The following RCOR1 variants were observed in gnomAD, a reference collection of about 807,000 sequenced individuals.
The protein encoded by RCOR1 is REST corepressor 1, also known as REST corepressor.
RCOR1 carries 12 observed loss-of-function variants against 64.0 expected under a neutral mutation model. The ratio of observed to expected loss-of-function variants is 0.19; its 90% CI spans 0.12 to 0.30. The LOEUF (loss-of-function observed/expected upper bound fraction) is 0.30, where lower values mean the gene tolerates loss of function less well. Among genes scored for constraint, RCOR1 ranks in the 10% least tolerant of loss-of-function variants. The pLI is 1.00. For missense variants in RCOR1, 502 were observed against 621.2 expected (o/e 0.81, Z 2.04); for synonymous variants, 279 against 227.2 (o/e 1.23, Z -2.05).
Position 102,643,581 on chromosome 14 carries a change from AGGTGT to A in RCOR1, c.362-38305_362-38301del, listed in dbSNP as rs931116557. On this transcript the variant is annotated intron_variant, in intron 2 of 11. Coordinates refer to ENST00000262241, the MANE Select transcript of RCOR1 (RefSeq NM_015156.4). ...AGGCACCAGGTATCTTCAGAGGCCC[AGGTGT>A]GGTGTGGTTGGCCCTAAGCTGATGG... Among the ~76,000 whole-genome samples, 28 of 152,320 alleles carry A rather than the reference AGGTGT, an allele frequency of 1.8e-4. 1 individual carries two copies. Among genetic ancestry groups the A allele is most frequent in the Admixed American group, 1.5e-3 (23 of 15,290 alleles).
intron 2 of RCOR1, among the ~76,000 whole-genome samples, chr14:102,648,622 CAT>C (rs1894521834): frequency 6.6e-6 from 1 of 152,144 alleles, no homozygotes; most frequent in South Asian, 2.1e-4. Context: ...ATTTATTAGA[CAT>C]ATTTATTGTC....
chr14:102,599,828 G>T (rs1893349215), intron 2 of RCOR1, among the ~76,000 whole-genome samples: 1 of 148,406 alleles, frequency 6.7e-6, no homozygotes, highest in African/African-American at 2.5e-5. Context: ...TTTGAAACAA[G>T]GTCTTGCTCT....
At chr14:102,696,354 T>A (rs1895648624) in intron 3 of RCOR1, among the ~76,000 whole-genome samples, 1 of 152,162 alleles carries the variant, frequency 6.6e-6, no homozygotes, top group Non-Finnish European at 1.5e-5. Context: ...TTAAGTGATA[T>A]TATGAGGAAG....
chr14:102,637,347 G>A lies in RCOR1; in HGVS notation c.361+44022G>A, dbSNP rs1894264902. On this transcript the variant is annotated intron_variant, in intron 2 of 11. Coordinates refer to ENST00000262241, the MANE Select transcript of RCOR1 (RefSeq NM_015156.4). ...TTACTATGTTGGTGAGGCTGGTCTCGAACCTCCTGACCTCAGTTGATCTAC... is the reference window on the plus strand; with the variant it reads ...TTACTATGTTGGTGAGGCTGGTCTCAAACCTCCTGACCTCAGTTGATCTAC... Among the ~76,000 whole-genome samples the A allele has an allele frequency of 9.2e-5, 14 of 151,942 alleles. No homozygotes were observed. In the South Asian group the frequency reaches 2.7e-3, roughly 29 times the overall value.
At chr14:102,673,581 C>T (rs547655083) in intron 2 of RCOR1, among the ~76,000 whole-genome samples, 18 of 151,988 alleles carry the variant, frequency 1.2e-4, no homozygotes, top group South Asian at 2.1e-4. Context: ...GTGATCCGCC[C>T]GCCTTGGCCT....
chr14:102,719,313 A>G (rs576791243), intron 8 of RCOR1, among the ~76,000 whole-genome samples: 17 of 152,152 alleles, frequency 1.1e-4, no homozygotes, highest in African/African-American at 4.1e-4. Flanking sequence ...CAGGTTTATT[A>G]CATATGTATG....
intron 3 of RCOR1, among the ~76,000 whole-genome samples, chr14:102,696,808 C>CTT (rs71305075): frequency 0.029 from 1,644 of 57,090 alleles, 8 homozygotes; most frequent in Non-Finnish European, 0.036. Flanking sequence ...ATCTGCTTAT[C>CTT]TTTTTTTTTT....
At chr14:102,655,710 T>G (rs1434928761) in intron 2 of RCOR1, among the ~76,000 whole-genome samples, 1 of 152,098 alleles carries the variant, frequency 6.6e-6, no homozygotes, top group African/African-American at 2.4e-5. Flanking sequence ...CCTAGCACTT[T>G]GGGAGGCTGA....
chr14:102,615,386 C>T (rs1316801795), intron 2 of RCOR1, among the ~76,000 whole-genome samples: 5 of 151,896 alleles, frequency 3.3e-5, no homozygotes, highest in African/African-American at 1.2e-4. Flanking sequence ...AAGCAATCCA[C>T]CCATCGTGGC....
intron 4 of RCOR1, among the ~76,000 whole-genome samples, chr14:102,705,676 C>G (rs1212255318): frequency 6.6e-6 from 1 of 152,134 alleles, no homozygotes; most frequent in Non-Finnish European, 1.5e-5. Flanking sequence ...CCAGGCTGGT[C>G]TCCATGTTCT....
rs193095769 is a variant in RCOR1, at chr14:102,598,101, C to T, written c.361+4776C>T. ...CCTCCCAGAGTGCTGGGATTATAGG[C>T]GTGAGCCACTGCGCAGCCCTAATTT... On this transcript the variant is annotated intron_variant, in intron 2 of 11. Transcript: ENST00000262241. Among the ~76,000 whole-genome samples, 278 of 152,216 alleles carry T rather than the reference C, an allele frequency of 1.8e-3. 2 individuals carry two copies. The highest frequency in any genetic ancestry group is 0.012 in the South Asian group (56 of 4,822).
At chr14:102,598,484 G>C (rs1234396995) in intron 2 of RCOR1, among the ~76,000 whole-genome samples, 4 of 135,840 alleles carry the variant, frequency 2.9e-5, no homozygotes, top group African/African-American at 5.5e-5. Context: ...GTCTCGCTCT[G>C]TTGTCCAGGC....
At chr14:102,721,258 G>A (rs1253334991) in intron 9 of RCOR1, 62 bp from the exon 10 acceptor site, 4 of 1,430,266 alleles carry the variant, frequency 2.8e-6, no homozygotes, top group Non-Finnish European at 3.9e-6. Flanking sequence ...GGTTCGTTAA[G>A]CTCATAAGGA....
In RCOR1 at chr14:102,593,282, G is replaced by A. The variant is rs1164248373; in HGVS notation, c.318G>A (p.Arg106=). ...SDEEHGGGGM[R]VGPQYQAVVP... is the part of the protein sequence containing the mutation. Reference sequence around the variant, plus strand: ...CCCCCGCAGGTGGCGGTGGCATGAGGGTCGGACCCCAGTACCAGGCGGTGG... The same window carrying A: ...CCCCCGCAGGTGGCGGTGGCATGAGAGTCGGACCCCAGTACCAGGCGGTGG... The change falls in exon 2 of 12, where the codon AGG becomes AGA. Residue 106 remains arginine (R), a synonymous_variant. Coordinates refer to ENST00000262241, the MANE Select transcript of RCOR1 (RefSeq NM_015156.4). 2 of 1,542,774 alleles carry A rather than the reference G, an allele frequency of 1.3e-6. No homozygotes were observed. Among genetic ancestry groups the A allele is most frequent in the Non-Finnish European group, 1.7e-6 (2 of 1,150,412 alleles).
chr14:102,604,993 T>C (rs955578625), intron 2 of RCOR1, among the ~76,000 whole-genome samples: 7 of 140,556 alleles, frequency 5.0e-5, no homozygotes. Flanking sequence ...TGCCTGAACC[T>C]GGGAGGTGGA....
At position 102,707,365 on chromosome 14, in the gene RCOR1, C is replaced by T. The variant is rs527667578; in HGVS notation, c.513C>T (p.Leu171=). Residue 171 remains leucine, a synonymous_variant, in exon 5 of 12, where the codon CTC becomes CTT. Coordinates refer to ENST00000262241, the MANE Select transcript of RCOR1 (RefSeq NM_015156.4). ...GYNMEQALGM[L]FWHKHNIEKS... ...CATTTTTGTAGGCTCTTGGGATGCT[C>T]TTCTGGCATAAACATAATATCGAAA... The T allele has an allele frequency of 8.7e-6, 14 of 1,604,730 alleles. No individual in the cohort carries two copies. In the South Asian group the frequency reaches 1.4e-4, roughly 16 times the overall value.
chr14:102,727,297 C>T lies in RCOR1; in HGVS notation c.*791C>T, dbSNP rs1437145630. On this transcript the variant is annotated 3_prime_UTR_variant, in exon 12 of 12. Transcript: ENST00000262241. Reference sequence around the variant, plus strand: ...CTTTTCCTGACCCCCCCCACCCCCCCACCTCCAAGAGGTTCGGCCCACATC... The same window carrying T: ...CTTTTCCTGACCCCCCCCACCCCCCTACCTCCAAGAGGTTCGGCCCACATC... 6.6e-6 allele frequency: 1 copy of T among 150,802 alleles called. No homozygotes were observed. Among genetic ancestry groups the T allele is most frequent in the South Asian group, 2.2e-4 (1 of 4,642 alleles). The allele number at this position is 150,802 out of a possible 1,614,324, so 9.3% of individuals were successfully genotyped here.
chr14:102,659,335 A>G (rs932799870), intron 2 of RCOR1: 1 of 892,480 alleles, frequency 1.1e-6, no homozygotes, highest in Non-Finnish European at 1.3e-6. Flanking sequence ...CAGAATCATT[A>G]AGGCTCATAA....
At chr14:102,664,699 AT>A (rs1360499987) in intron 2 of RCOR1, among the ~76,000 whole-genome samples, 1 of 152,196 alleles carries the variant, frequency 6.6e-6, no homozygotes, top group Non-Finnish European at 1.5e-5. Context: ...AAAATTTTTC[AT>A]TAATTGGCTA....
Sources: allele counts gnomAD v4.1 joint callset (sites outside exome capture counted in the v4.1 genomes callset), GRCh38; gene constraint gnomAD v4.1.1; transcripts MANE v1.5; gene names NCBI Gene and HGNC (gene_info 2026-07-23, HGNC 2026-07-21).